The following CALD1 variants were observed in gnomAD, a reference collection of about 807,000 sequenced individuals.
CALD1 encodes caldesmon 1.
Under a neutral mutation model 99.9 loss-of-function variants are expected in CALD1, and 33 were observed. The ratio of observed to expected loss-of-function variants is 0.33; its 90% confidence interval spans 0.25 to 0.44. CALD1 has a LOEUF of 0.44. CALD1 is among the 20% of genes least tolerant of loss of function. The pLI is 1.00. For synonymous variants in CALD1, 310 were observed against 325.0 expected (o/e 0.95, Z 0.50); for missense variants, 861 against 962.1 (o/e 0.89, Z 1.39).
chr7:134,906,319 G>A (rs1458199933), intron 3 of CALD1, among the ~76,000 whole-genome samples: 1 of 152,208 alleles, frequency 6.6e-6, no homozygotes, highest in Non-Finnish European at 1.5e-5. Context: ...TTGCTGTCGT[G>A]TAAAGAGCCC....
At chr7:134,839,512 A>G (rs56309315) in intron 1 of CALD1, among the ~76,000 whole-genome samples, 4,167 of 152,234 alleles carry the variant, frequency 0.027, 102 homozygotes, top group South Asian at 0.14. Context: ...GATTTTGCCA[A>G]TTTATATTCC....
chr7:134,760,307 G>A (rs1481337590), intron 1 of CALD1, among the ~76,000 whole-genome samples: 1 of 152,170 alleles, frequency 6.6e-6, no homozygotes, highest in Non-Finnish European at 1.5e-5. Context: ...TTGAGGGTGG[G>A]GTTTGGGGAT....
At chr7:134,785,430 A>G (rs147562645) in intron 1 of CALD1, among the ~76,000 whole-genome samples, 187 of 152,346 alleles carry the variant, frequency 1.2e-3, no homozygotes, top group African/African-American at 4.2e-3. Context: ...TCATTTAACA[A>G]TTTTAATAAA....
chr7:134,758,317 A>G (rs573055239), intron 1 of CALD1, among the ~76,000 whole-genome samples: 1 of 152,350 alleles, frequency 6.6e-6, no homozygotes, highest in African/African-American at 2.4e-5. Flanking sequence ...TGACTCTAGT[A>G]TATTTCATTT....
chr7:134,817,898 C>T (rs1798619630), intron 1 of CALD1, among the ~76,000 whole-genome samples: 1 of 152,118 alleles, frequency 6.6e-6, no homozygotes, highest in South Asian at 2.1e-4. Context: ...TAAAAAGTCA[C>T]AGTTTTGTGG....
chr7:134,967,690 T>G (rs1316150822), intron 14 of CALD1, among the ~76,000 whole-genome samples: 1 of 152,134 alleles, frequency 6.6e-6, no homozygotes, highest in African/African-American at 2.4e-5. Flanking sequence ...ACTGTAGATT[T>G]TTGGCTCTTA....
intron 1 of CALD1, among the ~76,000 whole-genome samples, chr7:134,754,486 A>G (rs765853106): frequency 1.8e-4 from 28 of 152,344 alleles, no homozygotes; most frequent in Non-Finnish European, 3.8e-4. Context: ...TCAACCAAAT[A>G]TGAAAGGTAA....
intron 1 of CALD1, among the ~76,000 whole-genome samples, chr7:134,826,267 T>C (rs866933074): frequency 3.9e-5 from 6 of 152,196 alleles, no homozygotes; most frequent in Non-Finnish European, 7.3e-5. Flanking sequence ...GGCTTTTGAA[T>C]GTACTCACCC....
At chr7:134,749,890 T>C (rs1033122096) in intron 1 of CALD1, among the ~76,000 whole-genome samples, 2 of 152,166 alleles carry the variant, frequency 1.3e-5, no homozygotes, top group Admixed American at 1.3e-4. Flanking sequence ...CTTACTCTCA[T>C]AGAAAGAGCT....
At chr7:134,871,971 C>G (rs1801102686) in intron 3 of CALD1, among the ~76,000 whole-genome samples, 1 of 152,234 alleles carries the variant, frequency 6.6e-6, no homozygotes, top group Non-Finnish European at 1.5e-5. Context: ...CATTTATTCA[C>G]TGCATCCGAG....
the CALD1 span, among the ~76,000 whole-genome samples, chr7:134,713,748 TC>T: frequency 6.6e-6 from 1 of 152,038 alleles, no homozygotes; most frequent in Non-Finnish European, 1.5e-5. Flanking sequence ...GGAATGATGG[TC>T]CACAGAACAG....
At chr7:134,961,791 G>A (rs1808283772) in intron 13 of CALD1, 1 of 152,132 alleles carries the variant, frequency 6.6e-6, no homozygotes, top group Non-Finnish European at 1.5e-5. Flanking sequence ...CACAGTTGAG[G>A]CAAGAGACCG....
chr7:134,957,002 A>G (rs1807824607), intron 9 of CALD1, among the ~76,000 whole-genome samples: 1 of 152,148 alleles, frequency 6.6e-6, no homozygotes, highest in Non-Finnish European at 1.5e-5. Flanking sequence ...AGCTTTAAAA[A>G]AAAAAGAACT....
intron 3 of CALD1, among the ~76,000 whole-genome samples, chr7:134,886,916 G>A (rs755810409): frequency 1.6e-4 from 24 of 152,284 alleles, no homozygotes; most frequent in Non-Finnish European, 3.2e-4. Context: ...ATCCCCCACA[G>A]CACTTAGTGC....
Position 134,916,367 on chromosome 7 carries a change from C to T in CALD1, c.72-12387C>T, listed in dbSNP as rs142618103. ...GAACAAGATGGGAGGCAATGCCACT[C>T]GAGTGGAAAGGAGCCCTGGGAAGGA... On this transcript the variant is annotated intron_variant, in intron 3 of 14. Coordinates refer to ENST00000361675, the MANE Select transcript of CALD1 (RefSeq NM_033138.4). Among the ~76,000 whole-genome samples, 21 of 152,136 alleles carry T rather than the reference C, an allele frequency of 1.4e-4. No individual in the cohort carries two copies. In the East Asian group the frequency reaches 2.7e-3, roughly 20 times the overall value.
chr7:134,933,034 G>A lies in CALD1; in HGVS notation c.265G>A (p.Glu89Lys). The change falls in exon 5 of 15, where the codon GAA (glutamate) becomes AAA (lysine). Residue 89 changes from glutamate (E) to lysine (K), a missense_variant. Physicochemically the swap from Glu to Lys is moderately conservative, Grantham distance 56 (BLOSUM62 1). Coordinates refer to ENST00000361675, the MANE Select transcript of CALD1 (RefSeq NM_033138.4). ...AKTTTTNTQVEGDDEAAFLER... is the reference protein window; with the variant it reads ...AKTTTTNTQVKGDDEAAFLER... Reference sequence around the variant, plus strand: ...GACAACCACCACAAACACTCAAGTGGAAGGGGATGATGAGGCCGCATTCCT... The same window carrying A: ...GACAACCACCACAAACACTCAAGTGAAAGGGGATGATGAGGCCGCATTCCT... 11 of 1,613,710 alleles carry A rather than the reference G, an allele frequency of 6.8e-6. No individual in the cohort carries two copies. Among genetic ancestry groups the A allele is most frequent in the Non-Finnish European group, 7.6e-6 (9 of 1,179,882 alleles).
chr7:134,925,817 T>C (rs1227828100), intron 3 of CALD1, among the ~76,000 whole-genome samples: 1 of 152,226 alleles, frequency 6.6e-6, no homozygotes, highest in Non-Finnish European at 1.5e-5. Flanking sequence ...CGGAGTTTTA[T>C]GCCTCTTGCT....
intron 3 of CALD1, among the ~76,000 whole-genome samples, chr7:134,924,297 A>G (rs1408785550): frequency 6.6e-6 from 1 of 152,114 alleles, no homozygotes; most frequent in Non-Finnish European, 1.5e-5. Flanking sequence ...TATATTTTGA[A>G]TTGTTTGGTT....
At position 134,814,171 on chromosome 7, in the gene CALD1, T is replaced by A. The variant is rs529985608; in HGVS notation, c.-129-29713T>A. On this transcript the variant is annotated intron_variant, in intron 1 of 14. Coordinates refer to ENST00000361675, the MANE Select transcript of CALD1 (RefSeq NM_033138.4). Reference sequence around the variant, plus strand: ...TGTGGAGCAAGGAGACAATTGCGTCTACTTCCAGGCTCTGTGATACAAAGG... The same window carrying A: ...TGTGGAGCAAGGAGACAATTGCGTCAACTTCCAGGCTCTGTGATACAAAGG... 2.0e-5 allele frequency among the ~76,000 whole-genome samples: 3 copies of A among 152,322 alleles called. No individual in the cohort carries two copies. The South Asian group carries it at 6.2e-4, about 32-fold the overall frequency.
Sources: gnomAD v4.1 joint callset for allele counts (sites outside exome capture counted in the v4.1 genomes callset) on GRCh38, gnomAD v4.1.1 for gene constraint, MANE v1.5 for transcripts, NCBI Gene and HGNC (gene_info 2026-07-23, HGNC 2026-07-21) for gene names.